The following WT1 variants were observed in gnomAD, a reference collection of about 807,000 sequenced individuals.
WT1 encodes WT1 transcription factor.
In WT1, 8 loss-of-function variants were observed where a neutral mutation model predicts 60.8. That is an observed-to-expected ratio of 0.13 (90% CI 0.08 to 0.24). The LOEUF is 0.24. Ranked by LOEUF, WT1 falls within the 10% of genes least tolerant of loss-of-function variation. The pLI is 1.00. For missense variants in WT1, 568 were observed against 711.8 expected (o/e 0.80, Z 2.30); for synonymous variants, 312 against 297.1 (o/e 1.05, Z -0.52).
Position 32,424,998 on chromosome 11 carries a change from T to C in WT1, c.887+2958A>G, listed in dbSNP as rs180898029. 6.8e-3 allele frequency among the ~76,000 whole-genome samples: 1,034 copies of C among 152,066 alleles called. 7 individuals carry two copies. The highest frequency in any genetic ancestry group is 0.023 in the African/African-American group (949 of 41,486). On this transcript the variant is annotated intron_variant, in intron 3 of 9. Coordinates refer to ENST00000452863, the MANE Select transcript of WT1 (RefSeq NM_024426.6). ...TTTGAGACCAACCTGGCCAACATGG[T>C]GAAACCCCGTCTCTACTAAAAATAC...
rs1366253475 is a variant in WT1, at chr11:32,412,690, G to C, written c.1016+3800C>G. 1.4e-5 allele frequency among the ~76,000 whole-genome samples: 2 copies of C among 147,360 alleles called. 1 individual carries two copies. Among genetic ancestry groups the C allele is most frequent in the East Asian group, 4.1e-4 (2 of 4,858 alleles). ...GACTCATACTCAGAAAGATTCCCCA[G>C]CAACGTTTTCTCCCAGGGACCCACT... On this transcript the variant is annotated intron_variant, in intron 5 of 9. Coordinates refer to ENST00000452863, the MANE Select transcript of WT1 (RefSeq NM_024426.6).
chr11:32,399,240 T>C (rs1398066689), intron 6 of WT1, among the ~76,000 whole-genome samples: 1 of 151,198 alleles, frequency 6.6e-6, no homozygotes, highest in Non-Finnish European at 1.5e-5. Context: ...AGGTGGAGTG[T>C]AGGGAATTTT....
chr11:32,408,575 G>A (rs1193681564), intron 5 of WT1, among the ~76,000 whole-genome samples: 1 of 146,322 alleles, frequency 6.8e-6, no homozygotes, highest in Non-Finnish European at 1.5e-5. Flanking sequence ...AAGGAAGGCA[G>A]AGGAAGGGAG....
At chr11:32,408,514 T>TAAAAAAAAAAAAAAAAAAAAA (rs58685266) in intron 5 of WT1, among the ~76,000 whole-genome samples, 19 of 74,234 alleles carry the variant, frequency 2.6e-4, no homozygotes, top group Admixed American at 3.3e-4. Flanking sequence ...GACTACGTCT[T>TAAAAAAAAAAAAAAAAAAAAA]AAAAAAAAAA....
intron 3 of WT1, among the ~76,000 whole-genome samples, chr11:32,421,718 A>G (rs1852861229): frequency 1.3e-5 from 2 of 152,222 alleles, no homozygotes; most frequent in Non-Finnish European, 2.9e-5. Context: ...CACAAAAAGA[A>G]AGGAAGAAAA....
chr11:32,393,823 G>T (rs1248842618), intron 7 of WT1, among the ~76,000 whole-genome samples: 1 of 152,176 alleles, frequency 6.6e-6, no homozygotes, highest in East Asian at 1.9e-4. Flanking sequence ...CTAATGTGGT[G>T]AGCTGTGTCT....
intron 3 of WT1, among the ~76,000 whole-genome samples, chr11:32,420,898 A>G (rs1211806585): frequency 6.6e-6 from 1 of 152,146 alleles, no homozygotes; most frequent in Non-Finnish European, 1.5e-5. Flanking sequence ...AAACTCTCAG[A>G]AGAGGAGAGA....
chr11:32,396,541 A>G (rs1226055747), intron 6 of WT1, 134 bp from the exon 7 acceptor site: 4 of 1,103,920 alleles, frequency 3.6e-6, no homozygotes, highest in African/African-American at 1.5e-5. Flanking sequence ...ACTCCCATTC[A>G]CACTCCAGAT....
At chr11:32,400,397 G>C in intron 5 of WT1, 1 of 388,072 alleles carries the variant, frequency 2.6e-6, no homozygotes. Context: ...GGTATCTCAG[G>C]AATGAGCAGA....
rs561297778 is a variant in WT1, at chr11:32,400,052, C to T, written c.1017-8G>A. 10 of 1,614,106 alleles carry T rather than the reference C, an allele frequency of 6.2e-6. No individual in the cohort carries two copies. In the African/African-American group the frequency reaches 1.1e-4, roughly 17 times the overall value. ...TCGTACCCTGTGCTGTGGCTGCAAA[C>T]ACAAAGAAGGGAAAAAGGCTCAGTG... On this transcript the variant is annotated splice_region_variant and splice_polypyrimidine_tract_variant and intron_variant, in intron 5 of 9. Transcript: ENST00000452863.
At position 32,417,659 on chromosome 11, in the gene WT1, T is replaced by G. The variant is rs751693310; in HGVS notation, c.888-5A>C. The G allele has an allele frequency of 6.2e-7, 1 of 1,612,072 alleles. No individual in the cohort carries two copies. ...GTCATTTGGTATAAATTGTCACTGT[T>G]AGAAAAACATCTAGAGTTAGAAACA... On this transcript the variant is annotated splice_region_variant and splice_polypyrimidine_tract_variant and intron_variant, in intron 3 of 9. Coordinates refer to ENST00000452863, the MANE Select transcript of WT1 (RefSeq NM_024426.6).
intron 5 of WT1, among the ~76,000 whole-genome samples, chr11:32,410,012 C>T (rs1324527399): frequency 1.3e-5 from 2 of 152,074 alleles, no homozygotes; most frequent in East Asian, 1.9e-4. Flanking sequence ...CTGCAACCTC[C>T]GCCTCCTGGG....
chr11:32,402,375 G>T (rs1852184051), intron 5 of WT1, among the ~76,000 whole-genome samples: 1 of 152,170 alleles, frequency 6.6e-6, no homozygotes, highest in Non-Finnish European at 1.5e-5. Context: ...TCAATTACTT[G>T]GTACAGACAG....
Position 32,388,917 on chromosome 11 carries a change from C to A in WT1, c.*141G>T. On this transcript the variant is annotated 3_prime_UTR_variant, in exon 10 of 10. Transcript: ENST00000452863. ...AGGCACACCTGGTAGTTTCCAGAAGCACCGGTATCTTGTCTTGGAAGTTGG... is the reference window on the plus strand; with the variant it reads ...AGGCACACCTGGTAGTTTCCAGAAGAACCGGTATCTTGTCTTGGAAGTTGG... The A allele has an allele frequency of 2.0e-6, 3 of 1,469,664 alleles. No individual in the cohort carries two copies. The highest frequency in any genetic ancestry group is 2.8e-6 in the Non-Finnish European group (3 of 1,081,632). 91.0% of individuals were successfully genotyped at this position (1,469,664 alleles called of 1,614,324 possible). A position where few individuals can be genotyped will look rare whatever the true frequency, so the allele number is the denominator to read the frequency against.
Position 32,392,041 on chromosome 11 carries a change from T to C in WT1, c.1378A>G (p.Thr460Ala), listed in dbSNP as rs751932589. The change falls in exon 9 of 10, where the codon ACT becomes GCT. Residue 460 changes from threonine (T) to alanine (A), a missense_variant. Coordinates refer to ENST00000452863, the MANE Select transcript of WT1 (RefSeq NM_024426.6). The stretch of plus-strand genomic sequence containing the variant: ...GACCGGGAGAACTTTCGCTGACAAG[T>C]TTTACACTGGAATGGTTTCACACCT... The C allele has an allele frequency of 6.2e-7, 1 of 1,613,898 alleles. No homozygotes were observed. Among genetic ancestry groups the C allele is most frequent in the Non-Finnish European group, 8.5e-7 (1 of 1,180,014 alleles).
At chr11:32,415,642 C>T (rs915307340) in intron 5 of WT1, among the ~76,000 whole-genome samples, 6 of 152,106 alleles carry the variant, frequency 3.9e-5, no homozygotes, top group South Asian at 2.1e-4. Flanking sequence ...AGCTAAACTC[C>T]GTCTCAAAAA....
At chr11:32,410,161 C>A (rs1424524604) in intron 5 of WT1, among the ~76,000 whole-genome samples, 1 of 152,146 alleles carries the variant, frequency 6.6e-6, no homozygotes, top group Non-Finnish European at 1.5e-5. Flanking sequence ...AAACTCCTGA[C>A]CTCAAGTGAT....
intron 2 of WT1, 139 bp from the exon 3 acceptor site, chr11:32,428,197 C>A (rs1184350747): frequency 6.6e-6 from 6 of 914,498 alleles, no homozygotes; most frequent in Non-Finnish European, 9.9e-6. Context: ...AGAGCGAGGC[C>A]GTCCAGAATG....
At chr11:32,429,609 G>A (rs1021371391) in intron 1 of WT1, among the ~76,000 whole-genome samples, 1 of 152,086 alleles carries the variant, frequency 6.6e-6, no homozygotes, top group African/African-American at 2.4e-5. Flanking sequence ...AGGATCCTTC[G>A]GCTAAAGATA....
Sources: allele counts gnomAD v4.1 joint callset (sites outside exome capture counted in the v4.1 genomes callset), GRCh38; gene constraint gnomAD v4.1.1; transcripts MANE v1.5; gene names NCBI Gene and HGNC (gene_info 2026-07-23, HGNC 2026-07-21).